Variants in KCNMB2 observed in about 807,000 individuals in gnomAD.
The protein encoded by KCNMB2 is potassium calcium-activated channel subfamily M regulatory beta subunit 2, also known as calcium-activated potassium channel subunit beta-2.
Under a neutral mutation model 24.5 loss-of-function variants are expected in KCNMB2, and 9 were observed. The ratio of observed to expected loss-of-function variants is 0.37; its 90% CI spans 0.22 to 0.64. The LOEUF is 0.64. Among genes scored for constraint, KCNMB2 ranks in the 30% least tolerant of loss-of-function variants. The pLI, the probability that KCNMB2 is intolerant of heterozygous loss-of-function variation, is 0.63. For synonymous variants in KCNMB2, 109 were observed against 104.4 expected, an observed-to-expected ratio of 1.04 and a Z score of -0.27; for missense variants, 226 against 284.3, an observed-to-expected ratio of 0.79 and a Z score of 1.47.
chr3:178,612,371 T>G (rs965633384), intron 1 of KCNMB2, among the ~76,000 whole-genome samples: 9 of 152,188 alleles, frequency 5.9e-5, no homozygotes, highest in Non-Finnish European at 8.8e-5. Context: ...ATTATTATAT[T>G]GGGGCCTATT....
chr3:178,829,325 ATATAACT>A (rs1714968481), intron 4 of KCNMB2, among the ~76,000 whole-genome samples: 2 of 152,126 alleles, frequency 1.3e-5, no homozygotes, highest in Admixed American at 1.3e-4. Flanking sequence ...CACTTAAATG[ATATAACT>A]TATAGTTATT....
intron 4 of KCNMB2, among the ~76,000 whole-genome samples, chr3:178,836,900 A>G (rs903743131): frequency 6.6e-6 from 1 of 152,174 alleles, no homozygotes; most frequent in African/African-American, 2.4e-5. Flanking sequence ...AGTTTTGTTT[A>G]TTGAAATGCA....
chr3:178,610,561 T>A (rs541799039), intron 1 of KCNMB2, among the ~76,000 whole-genome samples: 1 of 152,368 alleles, frequency 6.6e-6, no homozygotes, highest in South Asian at 2.1e-4. Flanking sequence ...TTGTTCACTG[T>A]TGGCATATAG....
intron 1 of KCNMB2, among the ~76,000 whole-genome samples, chr3:178,596,711 G>A (rs1347076353): frequency 6.6e-6 from 1 of 151,264 alleles, no homozygotes; most frequent in Non-Finnish European, 1.5e-5. Flanking sequence ...CCCCAACCCA[G>A]GAATTGCCAA....
In KCNMB2 at chr3:178,825,774, G is replaced by A. The variant is rs1410028020; in HGVS notation, c.227+16G>A. The A allele has an allele frequency of 3.2e-6, 5 of 1,586,258 alleles. No individual in the cohort carries two copies. Among genetic ancestry groups the A allele is most frequent in the Middle Eastern group, 1.7e-4 (1 of 5,924 alleles). The stretch of plus-strand genomic sequence containing the variant: ...ACATGCAGAGGTAATACCACTGGGT[G>A]GGTGGGACCCTGCTGTTTGTCTCCT... On this transcript the variant is annotated intron_variant, in intron 3 of 4. Transcript: ENST00000452583.
chr3:178,602,241 A>G (rs532191551), intron 1 of KCNMB2, among the ~76,000 whole-genome samples: 2 of 152,174 alleles, frequency 1.3e-5, no homozygotes, highest in East Asian at 3.9e-4. Flanking sequence ...TCCTATGCCT[A>G]TAGAGCAGCA....
At chr3:178,548,818 T>C (rs1715854022) in intron 1 of KCNMB2, among the ~76,000 whole-genome samples, 1 of 152,226 alleles carries the variant, frequency 6.6e-6, no homozygotes, top group African/African-American at 2.4e-5. Context: ...CCTTTTTTAC[T>C]TCTACTTACA....
intron 1 of KCNMB2, among the ~76,000 whole-genome samples, chr3:178,800,738 C>A (rs1468317173): frequency 6.6e-6 from 1 of 152,114 alleles, no homozygotes; most frequent in African/African-American, 2.4e-5. Flanking sequence ...ACGTTTGTTG[C>A]AGCACTATTC....
chr3:178,736,011 G>A (rs1261262338), intron 1 of KCNMB2, among the ~76,000 whole-genome samples: 1 of 152,044 alleles, frequency 6.6e-6, no homozygotes, highest in East Asian at 1.9e-4. Context: ...TACACATTTG[G>A]CACATTTCAC....
intron 1 of KCNMB2, among the ~76,000 whole-genome samples, chr3:178,721,872 A>T (rs1039513582): frequency 1.3e-5 from 2 of 152,094 alleles, no homozygotes; most frequent in African/African-American, 2.4e-5. Context: ...CCATTTTTAA[A>T]TCTACTTTGG....
intron 1 of KCNMB2, among the ~76,000 whole-genome samples, chr3:178,641,639 A>C (rs971770367): frequency 1.1e-4 from 16 of 151,884 alleles, no homozygotes; most frequent in African/African-American, 3.9e-4. Flanking sequence ...CTTTTTCCCC[A>C]CTTTGTATGC....
chr3:178,550,355 G>A (rs961746724), intron 1 of KCNMB2, among the ~76,000 whole-genome samples: 1 of 151,150 alleles, frequency 6.6e-6, no homozygotes. Context: ...CTACTCGGGA[G>A]GCTGAGGCAG....
At chr3:178,555,237 C>T (rs1240697016) in intron 1 of KCNMB2, among the ~76,000 whole-genome samples, 1 of 152,170 alleles carries the variant, frequency 6.6e-6, no homozygotes, top group Admixed American at 6.5e-5. Context: ...TAAAATAACT[C>T]TTCATTGTCC....
rs189223679 is a variant in KCNMB2 at position 178,613,845 on chromosome 3, G to A, written c.-68+77134G>A. The stretch of plus-strand genomic sequence containing the variant: ...GCTTGGTTCTATAACCATCTTGTAC[G>A]TGGATACTGATATCTTTCTCTAGGT... On this transcript the variant is annotated intron_variant, in intron 1 of 4. Coordinates refer to ENST00000452583, the MANE Select transcript of KCNMB2 (RefSeq NM_181361.3). Among the ~76,000 whole-genome samples, 22 of 152,028 alleles carry A rather than the reference G, an allele frequency of 1.4e-4. 1 individual carries two copies. Among genetic ancestry groups the A allele is most frequent in the African/African-American group, 4.1e-4 (17 of 41,464 alleles).
Position 178,760,728 on chromosome 3 carries a change from G to T in KCNMB2, c.-67-46615G>T, listed in dbSNP as rs544577969. The stretch of plus-strand genomic sequence containing the variant: ...GCAAGGATGGGTGTAGTGAGGAAAG[G>T]CTTTGAAATTGTCCCAAACAGCAGA... On this transcript the variant is annotated intron_variant, in intron 1 of 4. Transcript: ENST00000452583. Among the ~76,000 whole-genome samples the T allele has an allele frequency of 7.9e-5, 12 of 151,940 alleles. No homozygotes were observed. In the South Asian group the frequency reaches 2.1e-3, roughly 26 times the overall value.
intron 1 of KCNMB2, among the ~76,000 whole-genome samples, chr3:178,702,135 G>A (rs1009011658): frequency 2.0e-5 from 3 of 151,798 alleles, no homozygotes; most frequent in East Asian, 1.9e-4. Flanking sequence ...CTTTGTAGGG[G>A]CATGGATGAA....
intron 1 of KCNMB2, among the ~76,000 whole-genome samples, chr3:178,691,966 T>A (rs1291139562): frequency 6.6e-6 from 1 of 152,250 alleles, no homozygotes; most frequent in Non-Finnish European, 1.5e-5. Flanking sequence ...TGAGATGGTA[T>A]CTCATTGTGG....
At chr3:178,582,098 C>T (rs990789173) in intron 1 of KCNMB2, among the ~76,000 whole-genome samples, 1 of 152,204 alleles carries the variant, frequency 6.6e-6, no homozygotes, top group Non-Finnish European at 1.5e-5. Flanking sequence ...ATAGCAAAGA[C>T]TTGCTAGCAA....
At chr3:178,728,419 T>C (rs1175205033) in intron 1 of KCNMB2, among the ~76,000 whole-genome samples, 1 of 152,196 alleles carries the variant, frequency 6.6e-6, no homozygotes, top group Non-Finnish European at 1.5e-5. Context: ...TGCAGTTTCT[T>C]ATTTTTCATA....
Sources: gnomAD v4.1 joint callset for allele counts (sites outside exome capture counted in the v4.1 genomes callset) on GRCh38, gnomAD v4.1.1 for gene constraint, MANE v1.5 for transcripts, NCBI Gene and HGNC (gene_info 2026-07-23, HGNC 2026-07-21) for gene names.